IGF1R: variants seen among roughly 807,000 people sequenced by gnomAD.
The protein encoded by IGF1R is insulin like growth factor 1 receptor.
A neutral mutation model predicts 144.6 loss-of-function variants in IGF1R; 44 were observed. The ratio of observed to expected loss-of-function variants is 0.30; its 90% confidence interval spans 0.24 to 0.39. The LOEUF (loss-of-function observed/expected upper bound fraction) is 0.39, where lower values mean the gene tolerates loss of function less well. Among genes scored for constraint, IGF1R ranks in the 10% least tolerant of loss-of-function variants. The pLI, the probability that IGF1R is intolerant of heterozygous loss-of-function variation, is 1.00. For missense variants in IGF1R, 1,355 were observed against 1,833.7 expected (o/e 0.74, Z 4.77); for synonymous variants, 795 against 722.8 (o/e 1.10, Z -1.60).
At chr15:98,744,083 G>C (rs1441384544) in intron 2 of IGF1R, among the ~76,000 whole-genome samples, 1 of 152,044 alleles carries the variant, frequency 6.6e-6, no homozygotes, top group African/African-American at 2.4e-5. Context: ...ATGTGGACTG[G>C]TGCCGAGAAG....
At chr15:98,652,426 A>G (rs2141162407) in intron 1 of IGF1R, among the ~76,000 whole-genome samples, 1 of 152,376 alleles carries the variant, frequency 6.6e-6, no homozygotes, top group African/African-American at 2.4e-5. Context: ...AGAACCCAGA[A>G]AAAGAACTTC....
intron 8 of IGF1R, among the ~76,000 whole-genome samples, chr15:98,913,947 C>T (rs936249582): frequency 2.0e-5 from 3 of 152,208 alleles, no homozygotes; most frequent in Non-Finnish European, 4.4e-5. Flanking sequence ...ATTGGAGCTT[C>T]TATCACAAAA....
chr15:98,658,593 G>A (rs1276880831), intron 1 of IGF1R, among the ~76,000 whole-genome samples: 1 of 152,208 alleles, frequency 6.6e-6, no homozygotes, highest in African/African-American at 2.4e-5. Flanking sequence ...TCAAAAGGCA[G>A]CACGCTAAGT....
chr15:98,702,430 A>T (rs1458761011), intron 1 of IGF1R, among the ~76,000 whole-genome samples: 1 of 152,062 alleles, frequency 6.6e-6, no homozygotes, highest in Non-Finnish European at 1.5e-5. Flanking sequence ...GACTTGTTGC[A>T]ACGTCTGCCT....
intron 2 of IGF1R, among the ~76,000 whole-genome samples, chr15:98,822,806 T>TA (rs756608833): frequency 1.3e-5 from 2 of 152,184 alleles, no homozygotes; most frequent in African/African-American, 2.4e-5. Flanking sequence ...TGCTAAGATG[T>TA]AAAAAACAGA....
intron 1 of IGF1R, among the ~76,000 whole-genome samples, chr15:98,675,082 A>G (rs760391371): frequency 1.0e-4 from 14 of 138,206 alleles, no homozygotes; most frequent in Non-Finnish European, 1.7e-4. Flanking sequence ...TCTGCCTCCC[A>G]GGTTAAAGCA....
At position 98,649,614 on chromosome 15, in the gene IGF1R, C is replaced by G. The variant is rs1296956069; in HGVS notation, c.33C>G (p.Thr11=). 22 of 1,609,086 alleles carry G rather than the reference C, an allele frequency of 1.4e-5. No individual in the cohort carries two copies. Among genetic ancestry groups the G allele is most frequent in the Non-Finnish European group, 1.8e-5 (21 of 1,178,386 alleles). ...CTGGCTCCGGAGGAGGGTCCCCGAC[C>G]TCGCTGTGGGGGCTCCTGTTTCTCT... is the stretch of plus-strand genomic sequence containing the variant. MKSGSGGGSP[T]SLWGLLFLSA... The change falls in exon 1 of 21, where the codon ACC becomes ACG. Residue 11 remains threonine, a synonymous_variant. Transcript: ENST00000650285.
intron 3 of IGF1R, among the ~76,000 whole-genome samples, chr15:98,894,835 A>G (rs896545597): frequency 5.9e-5 from 9 of 152,144 alleles, no homozygotes; most frequent in African/African-American, 2.2e-4. Flanking sequence ...CAGGAGGCCA[A>G]CATGGTGAAA....
intron 18 of IGF1R, among the ~76,000 whole-genome samples, chr15:98,941,064 C>G (rs1454982388): frequency 6.6e-6 from 1 of 152,242 alleles, no homozygotes; most frequent in Non-Finnish European, 1.5e-5. Context: ...CTCCCCTTTC[C>G]CAGTGCAGGG....
At chr15:98,672,590 A>G (rs1484085596) in intron 1 of IGF1R, among the ~76,000 whole-genome samples, 2 of 149,272 alleles carry the variant, frequency 1.3e-5, no homozygotes, top group African/African-American at 5.1e-5. Context: ...AAAAAAAAAA[A>G]GTGTAGGTTA....
intron 2 of IGF1R, among the ~76,000 whole-genome samples, chr15:98,760,498 A>G (rs562589542): frequency 6.0e-4 from 91 of 152,264 alleles, no homozygotes; most frequent in Non-Finnish European, 1.0e-3. Context: ...TTATAACGAT[A>G]GCTGTAATAC....
intron 7 of IGF1R, among the ~76,000 whole-genome samples, chr15:98,912,625 G>A (rs1347649692): frequency 1.3e-5 from 2 of 152,206 alleles, no homozygotes; most frequent in African/African-American, 4.8e-5. Context: ...TGAGCAATCT[G>A]AATTTTAGAA....
At chr15:98,886,331 A>C (rs1255736970) in intron 2 of IGF1R, among the ~76,000 whole-genome samples, 1 of 152,194 alleles carries the variant, frequency 6.6e-6, no homozygotes, top group African/African-American at 2.4e-5. Flanking sequence ...TTTTAAGTGC[A>C]GTGCCTCGTT....
rs1457335012 is a variant in IGF1R, at chr15:98,959,203, A to G, written c.*1761A>G. 4.3e-6 allele frequency: 1 copy of G among 233,390 alleles called. No homozygotes were observed. The highest frequency in any genetic ancestry group is 8.5e-6 in the Non-Finnish European group (1 of 117,984). The allele number at this position is 233,390 out of a possible 1,614,324, so 14.5% of individuals were successfully genotyped here. ...CTTAGGTTGTGACACACATATATAT[A>G]TATTTTTTTAATTCTTGGGTACAAC... On this transcript the variant is annotated 3_prime_UTR_variant, in exon 21 of 21. Transcript: ENST00000650285.
chr15:98,946,633 G>C (rs995595274), intron 19 of IGF1R, among the ~76,000 whole-genome samples: 1 of 152,212 alleles, frequency 6.6e-6, no homozygotes, highest in Non-Finnish European at 1.5e-5. Context: ...CAGACTGCTC[G>C]GGTGGAATGG....
At chr15:98,774,676 T>C (rs1596293254) in intron 2 of IGF1R, among the ~76,000 whole-genome samples, 1 of 63,050 alleles carries the variant, frequency 1.6e-5, no homozygotes, top group Non-Finnish European at 2.8e-5. Flanking sequence ...AACAGAATGA[T>C]GGCTGCGGTG....
intron 1 of IGF1R, among the ~76,000 whole-genome samples, chr15:98,654,019 A>G (rs910273041): frequency 2.0e-5 from 3 of 152,258 alleles, no homozygotes; most frequent in Non-Finnish European, 2.9e-5. Context: ...AGAGTCTTGC[A>G]TGAAACCACC....
chr15:98,733,797 C>A (rs974272647), intron 2 of IGF1R, among the ~76,000 whole-genome samples: 1 of 152,188 alleles, frequency 6.6e-6, no homozygotes, highest in Non-Finnish European at 1.5e-5. Context: ...AAATAATCTA[C>A]TGAAAGCTGT....
chr15:98,789,065 G>T (rs952912663), intron 2 of IGF1R, among the ~76,000 whole-genome samples: 13 of 152,112 alleles, frequency 8.5e-5, no homozygotes, highest in Non-Finnish European at 1.8e-4. Context: ...TAGGCTTATG[G>T]CTCAGTTTAC....
Sources: allele counts gnomAD v4.1 joint callset (sites outside exome capture counted in the v4.1 genomes callset), GRCh38; gene constraint gnomAD v4.1.1; transcripts MANE v1.5; gene names NCBI Gene and HGNC (gene_info 2026-07-23, HGNC 2026-07-21).